Variants in NEK11 observed in about 807,000 individuals in gnomAD.
NEK11 encodes the protein serine/threonine-protein kinase Nek11.
NEK11 carries 72 observed loss-of-function variants against 80.7 expected under a neutral mutation model. The ratio of observed to expected loss-of-function variants is 0.89; its 90% confidence interval spans 0.74 to 1.08. The LOEUF is 1.08. Ranked by LOEUF, NEK11 falls within the 50% of genes least tolerant of loss-of-function variation. The probability of loss-of-function intolerance (pLI) is 0.00; values close to 1 mark genes in which losing one functional copy is unlikely to be tolerated. For missense variants in NEK11, 764 were observed against 763.6 expected, an observed-to-expected ratio of 1.00 and a Z score of -0.01; for synonymous variants, 251 against 260.7, an observed-to-expected ratio of 0.96 and a Z score of 0.36.
intron 4 of NEK11, among the ~76,000 whole-genome samples, chr3:131,096,418 A>G (rs2077440265): frequency 6.6e-6 from 1 of 152,004 alleles, no homozygotes; most frequent in African/African-American, 2.4e-5. Context: ...TTCTTTATCC[A>G]ATCAATGATT....
At chr3:131,315,500 C>T (rs1309566523) in intron 17 of NEK11, among the ~76,000 whole-genome samples, 1 of 138,954 alleles carries the variant, frequency 7.2e-6, no homozygotes, top group East Asian at 2.1e-4. Flanking sequence ...TGTGTGTATT[C>T]ATCCATCAGT....
At chr3:131,302,312 C>T (rs1462194766) in intron 17 of NEK11, among the ~76,000 whole-genome samples, 3 of 152,040 alleles carry the variant, frequency 2.0e-5, no homozygotes, top group Non-Finnish European at 4.4e-5. Flanking sequence ...AAACCAACTC[C>T]TGAATTCATT....
intron 17 of NEK11, among the ~76,000 whole-genome samples, chr3:131,273,964 T>A (rs537616837): frequency 1.3e-5 from 2 of 151,204 alleles, no homozygotes; most frequent in East Asian, 2.0e-4. Flanking sequence ...CTTTTTTTTT[T>A]ATTATTATTA....
chr3:131,050,845 A>G (rs1411821479), intron 3 of NEK11, among the ~76,000 whole-genome samples: 1 of 149,698 alleles, frequency 6.7e-6, no homozygotes, highest in African/African-American at 2.5e-5. Flanking sequence ...ACTGGGCAAC[A>G]TTGGGAGACT....
chr3:131,231,107 G>T (rs971925371), intron 15 of NEK11, among the ~76,000 whole-genome samples: 8 of 151,940 alleles, frequency 5.3e-5, no homozygotes, highest in Non-Finnish European at 1.2e-4. Context: ...GTCATTATTA[G>T]CAGTGTGAGA....
intron 5 of NEK11, among the ~76,000 whole-genome samples, chr3:131,110,198 G>A (rs753057137): frequency 5.9e-5 from 9 of 152,120 alleles, no homozygotes; most frequent in Non-Finnish European, 1.3e-4. Flanking sequence ...GTCTGATCAT[G>A]TCCTGTGAAT....
At chr3:131,174,659 A>G in intron 14 of NEK11, 3 of 1,172,468 alleles carry the variant, frequency 2.6e-6, no homozygotes, top group African/African-American at 3.1e-5. Flanking sequence ...TGTTAAAGAA[A>G]TTATCCCCAT....
chr3:131,204,990 G>A (rs885076), intron 14 of NEK11, among the ~76,000 whole-genome samples: 129,544 of 152,050 alleles, frequency 0.85, 55,683 homozygotes, highest in South Asian at 0.9. Context: ...TAGTTCAATA[G>A]ACACCATGGC....
chr3:131,214,574 C>T (rs931136903), intron 14 of NEK11, among the ~76,000 whole-genome samples: 6 of 152,160 alleles, frequency 3.9e-5, no homozygotes, highest in African/African-American at 1.4e-4. Flanking sequence ...GGAAACATTA[C>T]AGTTTTTCCT....
In NEK11 at chr3:131,048,095, G is replaced by T. The variant is rs184877740; in HGVS notation, c.170+18217G>T. Among the ~76,000 whole-genome samples, 66 of 152,202 alleles carry T rather than the reference G, an allele frequency of 4.3e-4. 1 individual carries two copies. The highest frequency in any genetic ancestry group is 1.5e-3 in the African/African-American group (63 of 41,516). On this transcript the variant is annotated intron_variant, in intron 3 of 17. Transcript: ENST00000383366. ...GTTACAGGCCTCATGCAGCTCCCAC[G>T]TATCCCAAAAGGCCAGTGTTACTCC...
chr3:131,208,246 T>C (rs2094502878), intron 14 of NEK11, among the ~76,000 whole-genome samples: 1 of 152,218 alleles, frequency 6.6e-6, no homozygotes, highest in African/African-American at 2.4e-5. Context: ...TTCTTGTTTT[T>C]GTCAGGTTTG....
At chr3:131,335,824 A>G (rs565444642) in intron 17 of NEK11, among the ~76,000 whole-genome samples, 1 of 152,312 alleles carries the variant, frequency 6.6e-6, no homozygotes, top group African/African-American at 2.4e-5. Flanking sequence ...TACATCAATA[A>G]CAGACAAACA....
chr3:131,161,149 C>CAA (rs371334381), intron 10 of NEK11, among the ~76,000 whole-genome samples: 126 of 114,844 alleles, frequency 1.1e-3, no homozygotes, highest in South Asian at 3.1e-3. Context: ...GACTCCATCT[C>CAA]AAAAAAAAAA....
chr3:131,064,808 G>GTCCATAAGCTCTTTGTAATGGAC lies in NEK11; in HGVS notation c.171-15615_171-15614insTCCATAAGCTCTTTGTAATGGAC, dbSNP rs1378205529. ...TTCAAAGAGCTTATGGACCAGTCAG[G>GTCCATAAGCTCTTTGTAATGGAC]CAAACAAGAATGTAAATAGGCATTT... On this transcript the variant is annotated intron_variant, in intron 3 of 17. Transcript: ENST00000383366. 3.3e-4 allele frequency among the ~76,000 whole-genome samples: 50 copies of GTCCATAAGCTCTTTGTAATGGAC among 152,048 alleles called. 1 individual carries two copies. Among genetic ancestry groups the GTCCATAAGCTCTTTGTAATGGAC allele is most frequent in the Admixed American group, 5.9e-4 (9 of 15,238 alleles).
intron 14 of NEK11, among the ~76,000 whole-genome samples, chr3:131,203,389 T>G: frequency 1.6e-5 from 2 of 128,574 alleles, no homozygotes; most frequent in Admixed American, 8.9e-5. Flanking sequence ...TGAGAACACA[T>G]GGACACAGGA....
intron 3 of NEK11, among the ~76,000 whole-genome samples, chr3:131,072,003 T>C (rs1179618634): frequency 6.6e-6 from 1 of 152,256 alleles, no homozygotes; most frequent in Non-Finnish European, 1.5e-5. Context: ...GAATATTTAC[T>C]GTACTACATT....
At chr3:131,166,222 A>G (rs952001314) in intron 12 of NEK11, among the ~76,000 whole-genome samples, 7 of 152,258 alleles carry the variant, frequency 4.6e-5, no homozygotes, top group African/African-American at 1.4e-4. Context: ...AGCCATTTTT[A>G]TAGAGAACTT....
At chr3:131,141,505 C>A (rs369832670) in intron 7 of NEK11, among the ~76,000 whole-genome samples, 2 of 152,220 alleles carry the variant, frequency 1.3e-5, no homozygotes, top group East Asian at 3.9e-4. Flanking sequence ...TTGGCCAGGG[C>A]CTTCTCATTC....
chr3:131,030,669 A>G lies in NEK11; in HGVS notation c.170+791A>G, dbSNP rs117960996. Among the ~76,000 whole-genome samples the G allele has an allele frequency of 1.6e-3, 239 of 152,322 alleles. 2 individuals are homozygous for G. In the East Asian group the frequency reaches 0.041, roughly 26 times the overall value. On this transcript the variant is annotated intron_variant, in intron 3 of 17. Transcript: ENST00000383366. ...TAGTCAGAAAGCTGTCAGATTAAAC[A>G]CTTAAACCAAATGGACACTCCTATT...
Sources: gnomAD v4.1 joint callset for allele counts (sites outside exome capture counted in the v4.1 genomes callset) on GRCh38, gnomAD v4.1.1 for gene constraint, MANE v1.5 for transcripts, NCBI Gene and HGNC (gene_info 2026-07-23, HGNC 2026-07-21) for gene names.